SSR1: variants seen among roughly 807,000 people sequenced by gnomAD.
SSR1 encodes signal sequence receptor subunit 1, also known as translocon-associated protein subunit alpha.
Under a neutral mutation model 36.1 loss-of-function variants are expected in SSR1, and 13 were observed. That is an observed-to-expected ratio of 0.36 (90% confidence interval 0.23 to 0.57). The LOEUF is 0.57. Ranked by LOEUF, SSR1 falls within the 20% of genes least tolerant of loss-of-function variation. The pLI, the probability that SSR1 is intolerant of heterozygous loss-of-function variation, is 0.81. For missense variants in SSR1, 291 were observed against 338.5 expected (o/e 0.86, Z 1.10); for synonymous variants, 113 against 118.9 (o/e 0.95, Z 0.32).
chr6:7,299,654 C>T (rs1412210779), intron 4 of SSR1, among the ~76,000 whole-genome samples: 1 of 150,872 alleles, frequency 6.6e-6, no homozygotes. Context: ...GCCGAGATCA[C>T]TCCAGCCTGA....
chr6:7,299,469 G>A (rs575296547), intron 4 of SSR1, among the ~76,000 whole-genome samples: 12 of 152,200 alleles, frequency 7.9e-5, no homozygotes, highest in African/African-American at 1.7e-4. Flanking sequence ...CAGGCCAACC[G>A]AGGCAGATCA....
chr6:7,289,654 A>G lies in SSR1; in HGVS notation c.*210T>C. 1.8e-6 allele frequency: 1 copy of G among 549,216 alleles called. No homozygotes were observed. Among genetic ancestry groups the G allele is most frequent in the Non-Finnish European group, 3.1e-6 (1 of 319,778 alleles). The allele number at this position is 549,216 out of a possible 1,614,324, so 34.0% of individuals were successfully genotyped here. A position where few individuals can be genotyped will look rare whatever the true frequency, so the allele number is the denominator to read the frequency against. ...TACACACGCACACACATAGATTTTA[A>G]TGGTTTAAAAAAAAACCAAATTTGT... On this transcript the variant is annotated 3_prime_UTR_variant, in exon 8 of 8. Coordinates refer to ENST00000244763, the MANE Select transcript of SSR1 (RefSeq NM_003144.5).
chr6:7,297,216 C>CAAAAAAAAAAAAAAAAAAAA (rs55729286), intron 6 of SSR1: 1 of 73,352 alleles, frequency 1.4e-5, no homozygotes, highest in Non-Finnish European at 2.5e-5. Flanking sequence ...CAGACTGTCT[C>CAAAAAAAAAAAAAAAAAAAA]AAAAAAAAAA....
chr6:7,305,848 A>G (rs1462211426), intron 2 of SSR1, among the ~76,000 whole-genome samples: 1 of 152,252 alleles, frequency 6.6e-6, no homozygotes, highest in African/African-American at 2.4e-5. Context: ...GGATTTAAAC[A>G]TGGCAAATGT....
intron 1 of SSR1, among the ~76,000 whole-genome samples, chr6:7,310,533 T>G (rs7751186): frequency 0.3 from 46,350 of 152,134 alleles, 7,848 homozygotes; most frequent in African/African-American, 0.46. Context: ...GGAAAATAAT[T>G]TTTTGCAAAG....
At chr6:7,312,660 A>C (rs919633436) in intron 1 of SSR1, among the ~76,000 whole-genome samples, 5 of 152,216 alleles carry the variant, frequency 3.3e-5, no homozygotes, top group African/African-American at 1.2e-4. Flanking sequence ...AGGTGGCCAA[A>C]AGAAACAGCC....
At chr6:7,306,640 GGT>G (rs1450880732) in intron 2 of SSR1, among the ~76,000 whole-genome samples, 16 of 150,276 alleles carry the variant, frequency 1.1e-4, no homozygotes, top group African/African-American at 3.7e-4. Context: ...GACTAGGCCA[GGT>G]GCAGTGGCTC....
At chr6:7,312,312 A>G (rs181827314) in intron 1 of SSR1, among the ~76,000 whole-genome samples, 318 of 152,310 alleles carry the variant, frequency 2.1e-3, no homozygotes, top group Non-Finnish European at 2.9e-3. Context: ...TTTCAGCACA[A>G]TACGATGTTT....
Position 7,289,774 on chromosome 6 carries a change from G to A in SSR1, c.*90C>T, listed in dbSNP as rs554248180. 51 of 1,195,178 alleles carry A rather than the reference G, an allele frequency of 4.3e-5. No homozygotes were observed. The highest frequency in any genetic ancestry group is 5.5e-5 in the Non-Finnish European group (47 of 851,486). 74.0% of individuals were successfully genotyped at this position (1,195,178 alleles called of 1,614,324 possible). ...CACACAAGTAGGAGTTGCCTTCTATGGTGACATGGCTTCTCTGCACTAATT... is the reference window on the plus strand; with the variant it reads ...CACACAAGTAGGAGTTGCCTTCTATAGTGACATGGCTTCTCTGCACTAATT... On this transcript the variant is annotated 3_prime_UTR_variant, in exon 8 of 8. Transcript: ENST00000244763.
chr6:7,313,064 G>A lies in SSR1; in HGVS notation c.57C>T (p.Val19=), dbSNP rs1045346277. 6.2e-7 allele frequency: 1 copy of A among 1,608,810 alleles called. No homozygotes were observed. The highest frequency in any genetic ancestry group is 8.5e-7 in the Non-Finnish European group (1 of 1,177,540). The change falls in exon 1 of 8, where the codon GTC becomes GTT. Residue 19 remains valine, a synonymous_variant. Coordinates refer to ENST00000244763, the MANE Select transcript of SSR1 (RefSeq NM_003144.5). The part of the protein sequence containing the change: ...LLLLLVFPAT[V]LFRGGPRGLL... ...CACCTCTGGGGCCGCCTCGGAACAA[G>A]ACAGTGGCAGGGAACACGAGTAAGA... is the stretch of plus-strand genomic sequence containing the variant.
Position 7,282,725 on chromosome 6 carries a change from CTG to C in SSR1, c.*7137_*7138del, listed in dbSNP as rs1269071514. On this transcript the variant is annotated 3_prime_UTR_variant, in exon 8 of 8. Transcript: ENST00000244763. Reference sequence around the variant, plus strand: ...ACTTAGAGTGACCTTTTGGCCACTGCTGTGTCTGCAGGCTCAGCCTCCTCTAG... The same window carrying C: ...ACTTAGAGTGACCTTTTGGCCACTGCTGTCTGCAGGCTCAGCCTCCTCTAG... 1.3e-5 allele frequency: 2 copies of C among 152,264 alleles called. No homozygotes were observed. The highest frequency in any genetic ancestry group is 4.8e-5 in the African/African-American group (2 of 41,462). 9.4% of individuals were successfully genotyped at this position (152,264 alleles called of 1,614,324 possible). A position where few individuals can be genotyped will look rare whatever the true frequency, so the allele number is the denominator to read the frequency against.
chr6:7,308,333 T>C (rs1348541227), intron 2 of SSR1, among the ~76,000 whole-genome samples: 2 of 152,046 alleles, frequency 1.3e-5, no homozygotes, highest in Non-Finnish European at 2.9e-5. Flanking sequence ...TTGGAAGACA[T>C]ATTCCATAAA....
Position 7,284,267 on chromosome 6 carries a change from G to T in SSR1, c.*5597C>A, listed in dbSNP as rs1757496903. On this transcript the variant is annotated 3_prime_UTR_variant, in exon 8 of 8. Transcript: ENST00000244763. ...GCCTCTTCAAACGTGTTTTTAAAAAGAACTGGATGTGCAGGTGTAAGAGAT... is the reference window on the plus strand; with the variant it reads ...GCCTCTTCAAACGTGTTTTTAAAAATAACTGGATGTGCAGGTGTAAGAGAT... 3 of 152,086 alleles carry T rather than the reference G, an allele frequency of 2.0e-5. No individual in the cohort carries two copies. Among genetic ancestry groups the T allele is most frequent in the Non-Finnish European group, 2.9e-5 (2 of 68,010 alleles). The allele number at this position is 152,086 out of a possible 1,614,324, so 9.4% of individuals were successfully genotyped here. A position where few individuals can be genotyped will look rare whatever the true frequency, so the allele number is the denominator to read the frequency against.
At chr6:7,290,790 T>C (rs1757664106) in intron 7 of SSR1, among the ~76,000 whole-genome samples, 1 of 152,124 alleles carries the variant, frequency 6.6e-6, no homozygotes, top group South Asian at 2.1e-4. Context: ...ATGGGGCTTA[T>C]CTGTAAGCAT....
chr6:7,307,147 C>A (rs1758086526), intron 2 of SSR1, among the ~76,000 whole-genome samples: 2 of 152,232 alleles, frequency 1.3e-5, no homozygotes, highest in South Asian at 4.1e-4. Context: ...GGTGATAAAT[C>A]TTGGGAACAG....
intron 1 of SSR1, 27 bp downstream of exon 1, chr6:7,313,015 C>T: frequency 1.3e-6 from 2 of 1,578,498 alleles, no homozygotes; most frequent in African/African-American, 1.4e-5. Context: ...TCCTGGCCAT[C>T]CCCTCCGCAC....
intron 4 of SSR1, among the ~76,000 whole-genome samples, chr6:7,299,576 T>C (rs1165566067): frequency 6.6e-6 from 1 of 151,740 alleles, no homozygotes; most frequent in African/African-American, 2.4e-5. Flanking sequence ...CGCATGCCTG[T>C]AATCACAGCT....
rs1757865688 is a variant in SSR1 at position 7,298,995 on chromosome 6, G to A, written c.544-172C>T. ...TATTCTGTGGCAGGGACTCAACATTGTTATTTTCTCACATGAAATAAAGTC... is the reference window on the plus strand; with the variant it reads ...TATTCTGTGGCAGGGACTCAACATTATTATTTTCTCACATGAAATAAAGTC... On this transcript the variant is annotated intron_variant, in intron 4 of 7. Coordinates refer to ENST00000244763, the MANE Select transcript of SSR1 (RefSeq NM_003144.5). The A allele has an allele frequency of 5.1e-6, 3 of 589,736 alleles. No homozygotes were observed. The East Asian group carries it at 8.6e-5, about 17-fold the overall frequency. 36.5% of individuals were successfully genotyped at this position (589,736 alleles called of 1,614,324 possible).
intron 7 of SSR1, among the ~76,000 whole-genome samples, chr6:7,292,121 C>CTA (rs2113274525): frequency 6.6e-6 from 1 of 152,278 alleles, no homozygotes; most frequent in East Asian, 1.9e-4. Context: ...ACCACTGATG[C>CTA]TATATGTCCC....
Sources: allele counts gnomAD v4.1 joint callset (sites outside exome capture counted in the v4.1 genomes callset), GRCh38; gene constraint gnomAD v4.1.1; transcripts MANE v1.5; gene names NCBI Gene and HGNC (gene_info 2026-07-23, HGNC 2026-07-21).